The following USH1C variants were observed in gnomAD, a reference collection of about 807,000 sequenced individuals.
USH1C encodes the protein USH1 protein network component harmonin, also known as harmonin.
In USH1C, 90 loss-of-function variants were observed where a neutral mutation model predicts 119.3. That is an observed-to-expected ratio of 0.75 (90% CI 0.64 to 0.90). The LOEUF is 0.90. Ranked by LOEUF, USH1C falls within the 40% of genes least tolerant of loss-of-function variation. USH1C has a pLI of 0.00. For synonymous variants in USH1C, 465 were observed against 443.3 expected, an observed-to-expected ratio of 1.05 and a Z score of -0.62; for missense variants, 1,165 against 1,167.7, an observed-to-expected ratio of 1.00 and a Z score of 0.03.
In USH1C at chr11:17,531,114, G is replaced by C; in HGVS notation, c.387+40C>G. On this transcript the variant is annotated intron_variant, in intron 4 of 26. Coordinates refer to ENST00000005226, the MANE Select transcript of USH1C (RefSeq NM_153676.4). This position sits in a 1 kb window ranked among gnomAD's most constrained non-coding sequence, Gnocchi z 4.2. Reference sequence around the variant, plus strand: ...TGAATGAGGGGGAGGCAGGAGGTCCGAGGCCCTCGCTCCCCCTCCCCCGGA... The same window carrying C: ...TGAATGAGGGGGAGGCAGGAGGTCCCAGGCCCTCGCTCCCCCTCCCCCGGA... 2 of 1,613,086 alleles carry C rather than the reference G, an allele frequency of 1.2e-6. No individual in the cohort carries two copies. The highest frequency in any genetic ancestry group is 1.7e-6 in the Non-Finnish European group (2 of 1,179,842).
At chr11:17,524,348 G>A in intron 9 of USH1C, 103 bp downstream of exon 9, 1 of 1,280,520 alleles carries the variant, frequency 7.8e-7, no homozygotes, top group Non-Finnish European at 1.1e-6. Flanking sequence ...AGTGTCCACT[G>A]AAAGAGGGCC....
At chr11:17,494,837 C>G in intron 26 of USH1C, 2 of 273,326 alleles carry the variant, frequency 7.3e-6, no homozygotes, top group Non-Finnish European at 1.4e-5. Context: ...TTCACAGCCA[C>G]CTGCCAGCTC....
Position 17,509,480 on chromosome 11 carries a change from A to T in USH1C, c.1889T>A (p.Leu630Gln). The change falls in exon 18 of 27, where the codon CTG becomes CAG. Residue 630 changes from leucine (L) to glutamine (Q), a missense_variant. By Grantham distance (113) the Leu-to-Gln change is moderately radical. Transcript: ENST00000005226. ...RPLPSALEEA[L>Q]SNHPFRTGDT... is the part of the protein sequence containing the mutation. ...CCCAGTGCGGAAGGGATGGTTGCTC[A>T]GTGCTTCTTCCAGCGCCGAGGGCAG... 6.8e-7 allele frequency: 1 copy of T among 1,466,882 alleles called. No individual in the cohort carries two copies. The highest frequency in any genetic ancestry group is 1.5e-5 in the African/African-American group (1 of 65,040). The allele number at this position is 1,466,882 out of a possible 1,614,324, so 90.9% of individuals were successfully genotyped here. A position where few individuals can be genotyped will look rare whatever the true frequency, so the allele number is the denominator to read the frequency against.
chr11:17,501,952 T>C lies in USH1C; in HGVS notation c.2213A>G (p.Asp738Gly). 6.2e-7 allele frequency: 1 copy of C among 1,613,716 alleles called. No individual in the cohort carries two copies. Among genetic ancestry groups the C allele is most frequent in the Non-Finnish European group, 8.5e-7 (1 of 1,179,846 alleles). The stretch of plus-strand genomic sequence containing the variant: ...GTCATCTCTTACCATAGAGTAGGGG[T>C]CAAAGCCTTCCTCATATTTCCGGAA... The part of the protein sequence containing the change: ...QDFRKYEEGF[D>G]PYSMFTPEQI... Residue 738 changes from aspartate to glycine, a missense_variant, in exon 21 of 27, where the codon GAC (aspartate) becomes GGC (glycine). Transcript: ENST00000005226.
chr11:17,527,119 C>A lies in USH1C; in HGVS notation c.497-79G>T. 4.3e-6 allele frequency: 4 copies of A among 920,474 alleles called. No individual in the cohort carries two copies. In the South Asian group the frequency reaches 7.0e-5, roughly 16 times the overall value. The allele number at this position is 920,474 out of a possible 1,614,324, so 57.0% of individuals were successfully genotyped here. ...CACCGTCATGGAGTACTGACCTGCT[C>A]CCCCGCCCTCCCTCCCTCCCACCGT... On this transcript the variant is annotated intron_variant, in intron 5 of 26. Coordinates refer to ENST00000005226, the MANE Select transcript of USH1C (RefSeq NM_153676.4).
In USH1C at chr11:17,544,373, T is replaced by C; in HGVS notation, c.-66A>G. ...CTTCGGGTGCCCGGCTGCCAGGAGC[T>C]GGAAAGAGCCGCGACCGCGACCGGG... On this transcript the variant is annotated 5_prime_UTR_variant, in exon 1 of 27. Coordinates refer to ENST00000005226, the MANE Select transcript of USH1C (RefSeq NM_153676.4). 6.2e-7 allele frequency: 1 copy of C among 1,611,028 alleles called. No homozygotes were observed. Among genetic ancestry groups the C allele is most frequent in the Non-Finnish European group, 8.5e-7 (1 of 1,178,476 alleles).
At chr11:17,526,632 C>T (rs1850688134) in intron 7 of USH1C, 121 bp downstream of exon 7, 1 of 1,253,648 alleles carries the variant, frequency 8.0e-7, no homozygotes, top group South Asian at 1.3e-5. Context: ...GCTGGCTGCC[C>T]TGGGAGCCTG....
intron 17 of USH1C, 108 bp downstream of exon 17, chr11:17,510,297 T>C: frequency 1.1e-6 from 1 of 900,044 alleles, no homozygotes; most frequent in Admixed American, 1.9e-5. Context: ...GGATGGGCAC[T>C]GTGAGGCTAG....
Position 17,527,421 on chromosome 11 carries a change from C to T in USH1C, c.388-90G>A, listed in dbSNP as rs547753059. 215 of 1,064,998 alleles carry T rather than the reference C, an allele frequency of 2.0e-4. 4 individuals carry two copies. In the South Asian group the frequency reaches 2.5e-3, roughly 12 times the overall value. 66.0% of individuals were successfully genotyped at this position (1,064,998 alleles called of 1,614,324 possible). A position where few individuals can be genotyped will look rare whatever the true frequency, so the allele number is the denominator to read the frequency against. On this transcript the variant is annotated intron_variant, in intron 4 of 26. Coordinates refer to ENST00000005226, the MANE Select transcript of USH1C (RefSeq NM_153676.4). Reference sequence around the variant, plus strand: ...CCACCAGATGCTCCCGGACTGCTCTCCGGAAAAGGGAAGGGTGGCTGTGCC... The same window carrying T: ...CCACCAGATGCTCCCGGACTGCTCTTCGGAAAAGGGAAGGGTGGCTGTGCC...
chr11:17,533,670 C>T (rs973532774), intron 1 of USH1C: 34 of 498,552 alleles, frequency 6.8e-5, no homozygotes, highest in Non-Finnish European at 1.3e-4. Flanking sequence ...TGCTGCTGCT[C>T]ACCCCCATGG....
At chr11:17,530,257 C>T (rs1850898848) in intron 4 of USH1C, among the ~76,000 whole-genome samples, 1 of 152,184 alleles carries the variant, frequency 6.6e-6, no homozygotes, top group African/African-American at 2.4e-5. Context: ...AAAAACACAG[C>T]CCTGGGCTCA....
intron 1 of USH1C, 84 bp downstream of exon 1, chr11:17,544,188 G>A (rs2133973937): frequency 5.1e-6 from 8 of 1,571,176 alleles, no homozygotes; most frequent in Non-Finnish European, 7.0e-6. Context: ...GAAAAGGGAG[G>A]GGCAGTGCCG....
At chr11:17,520,342 C>T (rs1337131363) in intron 14 of USH1C, among the ~76,000 whole-genome samples, 1 of 152,104 alleles carries the variant, frequency 6.6e-6, no homozygotes, top group African/African-American at 2.4e-5. Context: ...GAGAGGCCTC[C>T]TTGTCCTGTT....
At position 17,531,741 on chromosome 11, in the gene USH1C, C is replaced by T. The variant is rs1850996310; in HGVS notation, c.105-199G>A. Among the ~76,000 whole-genome samples the T allele has an allele frequency of 6.6e-6, 1 of 152,188 alleles. No homozygotes were observed. The highest frequency in any genetic ancestry group is 1.5e-5 in the Non-Finnish European group (1 of 68,032). On this transcript the variant is annotated intron_variant, in intron 2 of 26. Transcript: ENST00000005226. The surrounding 1 kb of genome is among the most constrained non-coding windows in gnomAD (Gnocchi z 4.2). The stretch of plus-strand genomic sequence containing the variant: ...CTCTTATATAAATATCCCCAGGAAA[C>T]CAGTCTACTAGGGATTGTTGACTCA...
intron 15 of USH1C, 151 bp downstream of exon 15, chr11:17,516,090 G>T: frequency 1.1e-6 from 1 of 890,836 alleles, no homozygotes; most frequent in Non-Finnish European, 1.8e-6. Context: ...TTTGATGTCA[G>T]CCTGACACAA....
At chr11:17,524,322 G>A in intron 9 of USH1C, 129 bp downstream of exon 9, 1 of 991,336 alleles carries the variant, frequency 1.0e-6, no homozygotes, top group Admixed American at 2.0e-5. Context: ...AGGGTGGGTA[G>A]GGCTCCTACT....
chr11:17,525,780 CACAAGGTA>C (rs2133890632), intron 8 of USH1C, among the ~76,000 whole-genome samples: 1 of 152,342 alleles, frequency 6.6e-6, no homozygotes, highest in East Asian at 1.9e-4. Context: ...CTCAAGGGCC[CACAAGGTA>C]ACACTGTTCT....
chr11:17,514,245 G>A lies in USH1C; in HGVS notation c.1260+1996C>T, dbSNP rs1465995547. ...ATTATTATTATTTTCTTGAGACAGG[G>A]TCCTGCTCTGTCACCCAGGCTGGAG... On this transcript the variant is annotated intron_variant, in intron 15 of 26. Coordinates refer to ENST00000005226, the MANE Select transcript of USH1C (RefSeq NM_153676.4). Among the ~76,000 whole-genome samples the A allele has an allele frequency of 3.9e-5, 6 of 152,192 alleles. No individual in the cohort carries two copies. The East Asian group carries it at 1.2e-3, about 29-fold the overall frequency.
rs5789992 is a variant in USH1C at position 17,533,363 on chromosome 11, A to ACCC, written c.37-44_37-42dup. 9,241 of 1,368,558 alleles carry ACCC rather than the reference A, an allele frequency of 6.8e-3. 49 individuals are homozygous for ACCC. The highest frequency in any genetic ancestry group is 0.03 in the African/African-American group (2,025 of 67,808). 84.8% of individuals were successfully genotyped at this position (1,368,558 alleles called of 1,614,324 possible). ...GCAGAATCACAGCTCCAGGCTCAGC[A>ACCC]CCCGCCCCCATAGCAGACCTCAGGG... On this transcript the variant is annotated intron_variant, in intron 1 of 26. Coordinates refer to ENST00000005226, the MANE Select transcript of USH1C (RefSeq NM_153676.4).
Sources: allele counts gnomAD v4.1 joint callset (sites outside exome capture counted in the v4.1 genomes callset), GRCh38; gene constraint gnomAD v4.1.1; non-coding constraint Gnocchi (gnomAD v3.1); transcripts MANE v1.5; gene names NCBI Gene and HGNC (gene_info 2026-07-23, HGNC 2026-07-21).